The following ATG7 variants were observed in gnomAD, a reference collection of about 807,000 sequenced individuals.
ATG7 encodes the protein autophagy related 7, also known as ubiquitin-like modifier-activating enzyme ATG7.
In ATG7, 70 loss-of-function variants were observed where a neutral mutation model predicts 82.4. That is an observed-to-expected ratio of 0.85 (90% CI 0.70 to 1.04). ATG7 has a LOEUF of 1.04. ATG7 is among the 50% of genes least tolerant of loss of function. The pLI, the probability that ATG7 is intolerant of heterozygous loss-of-function variation, is 0.00. For missense variants in ATG7, 792 were observed against 864.3 expected (o/e 0.92, Z 1.05); for synonymous variants, 287 against 313.0 (o/e 0.92, Z 0.88).
intron 9 of ATG7, among the ~76,000 whole-genome samples, chr3:11,317,396 A>G (rs541972316): frequency 6.6e-6 from 1 of 152,166 alleles, no homozygotes; most frequent in South Asian, 2.1e-4. Flanking sequence ...AAATAATAAC[A>G]GTTTGAACAG....
chr3:11,553,530 C>G (rs1164546138), intron 20 of ATG7, among the ~76,000 whole-genome samples: 1 of 152,368 alleles, frequency 6.6e-6, no homozygotes, highest in East Asian at 1.9e-4. Context: ...CTCCCCTGCC[C>G]TGCACTGCTC....
intron 20 of ATG7, among the ~76,000 whole-genome samples, chr3:11,438,826 C>T (rs1374862000): frequency 2.6e-5 from 4 of 152,048 alleles, no homozygotes; most frequent in Non-Finnish European, 4.4e-5. Flanking sequence ...TGGCCTGTGG[C>T]GCTGCTGAGC....
chr3:11,568,041 TTA>T, the ATG7 span, among the ~76,000 whole-genome samples: 2 of 152,056 alleles, frequency 1.3e-5, no homozygotes, highest in South Asian at 4.2e-4. This position sits in a 1 kb window ranked among gnomAD's most constrained non-coding sequence, Gnocchi z 5.9. Context: ...AACTGCAGGG[TTA>T]CAGCCCTGCC....
intron 20 of ATG7, among the ~76,000 whole-genome samples, chr3:11,530,614 C>T (rs892866138): frequency 2.6e-5 from 4 of 152,148 alleles, no homozygotes; most frequent in Non-Finnish European, 5.9e-5. Context: ...CCCTCCTGAC[C>T]CCACCCTCCA....
intron 20 of ATG7, among the ~76,000 whole-genome samples, chr3:11,532,086 C>T (rs1237452923): frequency 3.9e-5 from 6 of 152,142 alleles, no homozygotes; most frequent in African/African-American, 1.4e-4. Flanking sequence ...CCGCCCCACA[C>T]GCCACCCTGT....
At chr3:11,305,388 C>T (rs1253320250) in intron 5 of ATG7, among the ~76,000 whole-genome samples, 1 of 152,190 alleles carries the variant, frequency 6.6e-6, no homozygotes, top group Non-Finnish European at 1.5e-5. Context: ...GTATGGCTCT[C>T]ACACACCTGG....
chr3:11,506,080 G>C (rs2153068753), intron 20 of ATG7, among the ~76,000 whole-genome samples: 1 of 152,270 alleles, frequency 6.6e-6, no homozygotes, highest in Admixed American at 6.5e-5. Context: ...CAGTTAGTGA[G>C]TTTGTGTATT....
chr3:11,489,628 C>T (rs2090142882), intron 20 of ATG7, among the ~76,000 whole-genome samples: 2 of 144,494 alleles, frequency 1.4e-5, no homozygotes, highest in African/African-American at 5.1e-5. Context: ...CTATAAATTT[C>T]CCTCTACACA....
intron 1 of ATG7, among the ~76,000 whole-genome samples, chr3:11,273,264 A>G (rs1940918432): frequency 6.6e-6 from 1 of 152,094 alleles, no homozygotes; most frequent in African/African-American, 2.4e-5. Context: ...TCCCTTTTTC[A>G]TTGACTACTT....
intron 6 of ATG7, chr3:11,308,725 G>A (rs1293496007): frequency 5.7e-6 from 3 of 523,394 alleles, no homozygotes; most frequent in African/African-American, 3.8e-5. Context: ...TGGCCTGGTT[G>A]CCCCCTCGGT....
At chr3:11,353,507 G>A (rs1265606140) in intron 14 of ATG7, among the ~76,000 whole-genome samples, 1 of 152,188 alleles carries the variant, frequency 6.6e-6, no homozygotes, top group Non-Finnish European at 1.5e-5. Context: ...ATTTGATTTG[G>A]ATGTTTGTCC....
In ATG7 at chr3:11,447,686, A is replaced by G. The variant is rs978617771; in HGVS notation, c.2079+20760A>G. Among the ~76,000 whole-genome samples, 5 of 152,230 alleles carry G rather than the reference A, an allele frequency of 3.3e-5. No individual in the cohort carries two copies. The East Asian group carries it at 9.7e-4, about 30-fold the overall frequency. ...GGCAGTTCCAAAATCTCATTCTTAC[A>G]TTAAGAAATCTTTCCTAGTGGCTCC... On this transcript the variant is annotated intron_variant, in intron 20 of 20. Transcript: ENST00000693202.
rs114545099 is a variant in ATG7 at position 11,279,916 on chromosome 3, C to T, written c.-365-1078C>T. Among the ~76,000 whole-genome samples, 561 of 148,518 alleles carry T rather than the reference C, an allele frequency of 3.8e-3. 7 individuals are homozygous for T. The highest frequency in any genetic ancestry group is 0.014 in the African/African-American group (537 of 39,658). ...TCTGTTTTGGCTTCAAAATTGTTAGCTCTTTAAAGGTGGGGACCATAGTTT... is the reference window on the plus strand; with the variant it reads ...TCTGTTTTGGCTTCAAAATTGTTAGTTCTTTAAAGGTGGGGACCATAGTTT... On this transcript the variant is annotated intron_variant, in intron 1 of 20. Transcript: ENST00000693202.
chr3:11,334,535 A>G (rs546852763), intron 11 of ATG7, among the ~76,000 whole-genome samples: 1 of 151,270 alleles, frequency 6.6e-6, no homozygotes, highest in East Asian at 2.0e-4. Flanking sequence ...TGAGTCACTG[A>G]GCCTGGCCTC....
downstream of ATG7, chr3:11,558,426 G>C (rs887622060): frequency 1.1e-5 from 15 of 1,387,140 alleles, no homozygotes; most frequent in African/African-American, 1.9e-4. Context: ...CAACAACATG[G>C]TTTTTGCAAA....
At chr3:11,418,943 A>G (rs1272928401) in intron 19 of ATG7, among the ~76,000 whole-genome samples, 1 of 152,066 alleles carries the variant, frequency 6.6e-6, no homozygotes. Flanking sequence ...TCGCTATCGC[A>G]AGAACAGCAT....
chr3:11,484,430 C>T (rs1024528661), intron 20 of ATG7, among the ~76,000 whole-genome samples: 1 of 152,108 alleles, frequency 6.6e-6, no homozygotes, highest in Non-Finnish European at 1.5e-5. Context: ...ACCACAAAAA[C>T]GACAAACCCA....
At chr3:11,366,827 G>A (rs2076644889) in intron 18 of ATG7, among the ~76,000 whole-genome samples, 2 of 151,940 alleles carry the variant, frequency 1.3e-5, no homozygotes, top group South Asian at 4.2e-4. Context: ...TCCCCATTGA[G>A]CCTCAGAATT....
Position 11,360,568 on chromosome 3 carries a change from T to C in ATG7, c.1480-13T>C, listed in dbSNP as rs372441187. The C allele has an allele frequency of 4.0e-5, 64 of 1,610,942 alleles. No homozygotes were observed. The highest frequency in any genetic ancestry group is 4.9e-5 in the Non-Finnish European group (58 of 1,178,342). ...TCTTTTAACTCTGCTCTTTCATTCCTTGAAACCTGCAGCTGGTCATCAATG... is the reference window on the plus strand; with the variant it reads ...TCTTTTAACTCTGCTCTTTCATTCCCTGAAACCTGCAGCTGGTCATCAATG... On this transcript the variant is annotated splice_polypyrimidine_tract_variant and intron_variant, in intron 15 of 20. Coordinates refer to ENST00000693202, the MANE Select transcript of ATG7 (RefSeq NM_001349232.2).
Sources: allele counts gnomAD v4.1 joint callset (sites outside exome capture counted in the v4.1 genomes callset), GRCh38; gene constraint gnomAD v4.1.1; non-coding constraint Gnocchi (gnomAD v3.1); transcripts MANE v1.5; gene names NCBI Gene and HGNC (gene_info 2026-07-23, HGNC 2026-07-21).